Variants in USH2A observed in about 807,000 individuals in gnomAD.
USH2A encodes usherin, also known as Usher syndrome 2A (autosomal recessive, mild).
A neutral mutation model predicts 538.9 loss-of-function variants in USH2A; 443 were observed. That is an observed-to-expected ratio of 0.82 (90% CI 0.76 to 0.89). USH2A has a LOEUF of 0.89. USH2A is among the 40% of genes least tolerant of loss of function. The pLI, the probability that USH2A is intolerant of heterozygous loss-of-function variation, is 0.00. For synonymous variants in USH2A, 2,413 were observed against 2,273.5 expected (o/e 1.06, Z -1.75); for missense variants, 6,633 against 6,324.8 (o/e 1.05, Z -1.65).
At chr1:215,644,304 G>A (rs375622822) in intron 67 of USH2A, among the ~76,000 whole-genome samples, 2 of 152,164 alleles carry the variant, frequency 1.3e-5, no homozygotes, top group African/African-American at 4.8e-5. Context: ...CTGGTTATGA[G>A]AAATTCAGAG....
At chr1:216,345,978 T>C (rs1001086013) in intron 4 of USH2A, among the ~76,000 whole-genome samples, 2 of 152,132 alleles carry the variant, frequency 1.3e-5, no homozygotes, top group Non-Finnish European at 2.9e-5. Flanking sequence ...AGTAGCTCAG[T>C]AGCTGAGGCT....
chr1:215,853,473 T>C (rs6668136), intron 44 of USH2A, among the ~76,000 whole-genome samples: 6,704 of 152,278 alleles, frequency 0.044, 519 homozygotes, highest in African/African-American at 0.15. Flanking sequence ...GTCTTGGGGA[T>C]TAACATTTGG....
intron 21 of USH2A, among the ~76,000 whole-genome samples, chr1:216,138,503 C>A (rs2033531363): frequency 6.6e-6 from 1 of 152,122 alleles, no homozygotes; most frequent in African/African-American, 2.4e-5. Context: ...TCCCTGAGGC[C>A]ACAGGAGAAG....
At chr1:215,942,980 G>A (rs573914613) in intron 37 of USH2A, among the ~76,000 whole-genome samples, 1 of 152,294 alleles carries the variant, frequency 6.6e-6, no homozygotes, top group South Asian at 2.1e-4. Flanking sequence ...AGAGGAGACA[G>A]AAAATCTGGA....
At chr1:216,127,479 C>T (rs2033278420) in intron 21 of USH2A, among the ~76,000 whole-genome samples, 1 of 152,144 alleles carries the variant, frequency 6.6e-6, no homozygotes, top group Non-Finnish European at 1.5e-5. Flanking sequence ...TCTGTCATGG[C>T]CAGCTTTGGC....
At chr1:216,365,836 G>A (rs914156653) in intron 3 of USH2A, among the ~76,000 whole-genome samples, 2 of 152,090 alleles carry the variant, frequency 1.3e-5, no homozygotes, top group Admixed American at 6.6e-5. Context: ...GCATGGCTGT[G>A]TCCAAATAAA....
At position 215,845,048 on chromosome 1, in the gene USH2A, A is replaced by G. The variant is rs1011322625; in HGVS notation, c.9056-552T>C. ...TGATGAAATCTAACATAAGAAAAAAATCTTGCTTAGCGTTAAATTGCATAA... is the reference window on the plus strand; with the variant it reads ...TGATGAAATCTAACATAAGAAAAAAGTCTTGCTTAGCGTTAAATTGCATAA... On this transcript the variant is annotated intron_variant, in intron 45 of 71. Transcript: ENST00000307340. Among the ~76,000 whole-genome samples the G allele has an allele frequency of 1.4e-4, 21 of 152,348 alleles. 1 individual carries two copies. Among genetic ancestry groups the G allele is most frequent in the African/African-American group, 5.0e-4 (21 of 41,590 alleles).
chr1:215,673,870 A>G (rs1657902871), intron 63 of USH2A, among the ~76,000 whole-genome samples: 1 of 152,114 alleles, frequency 6.6e-6, no homozygotes, highest in African/African-American at 2.4e-5. Flanking sequence ...ACCTTTCTGA[A>G]ACACTGACTC....
intron 47 of USH2A, among the ~76,000 whole-genome samples, chr1:215,830,246 G>A (rs968843974): frequency 2.0e-5 from 3 of 152,146 alleles, no homozygotes; most frequent in Non-Finnish European, 1.5e-5. Flanking sequence ...GCAAGCCAGA[G>A]AGTATAGGGA....
chr1:216,039,677 G>T (rs1479247020), intron 32 of USH2A, among the ~76,000 whole-genome samples: 2 of 152,014 alleles, frequency 1.3e-5, no homozygotes, highest in African/African-American at 4.8e-5. Context: ...CCATTGGTGT[G>T]AATGAGTATA....
chr1:216,347,653 T>C (rs1184654075), intron 4 of USH2A, among the ~76,000 whole-genome samples: 1 of 152,164 alleles, frequency 6.6e-6, no homozygotes, highest in Non-Finnish European at 1.5e-5. Context: ...TATGACTTAG[T>C]GTACATTATC....
At chr1:215,842,516 C>A (rs1663710872) in intron 46 of USH2A, among the ~76,000 whole-genome samples, 1 of 152,096 alleles carries the variant, frequency 6.6e-6, no homozygotes, top group Non-Finnish European at 1.5e-5. Flanking sequence ...CATATATGTT[C>A]ATTGCAGCAC....
Position 215,680,241 on chromosome 1 carries a change from C to T in USH2A, c.12202G>A (p.Gly4068Arg), listed in dbSNP as rs1430838005. The part of the protein sequence containing the change: ...LIQTLESSPS[G>R]LRNFIVEQKE... The stretch of plus-strand genomic sequence containing the variant: ...TGTTCTACTATAAAGTTTCTCAGTC[C>T]ACTTGGGGAAGATTCTAAGGTTTGA... The change falls in exon 62 of 72, where the codon GGA becomes AGA. Residue 4068 changes from glycine (G) to arginine (R), a missense_variant. Gly to Arg is a moderately radical substitution (Grantham distance 125, BLOSUM62 -2). Transcript: ENST00000307340. 2 of 1,614,006 alleles carry T rather than the reference C, an allele frequency of 1.2e-6. No individual in the cohort carries two copies. The highest frequency in any genetic ancestry group is 1.7e-6 in the Non-Finnish European group (2 of 1,180,014).
chr1:215,627,445 C>T (rs373788625), intron 71 of USH2A, among the ~76,000 whole-genome samples: 4,141 of 77,576 alleles, frequency 0.053, 111 homozygotes, highest in East Asian at 0.1. Flanking sequence ...TCCTTCCTTC[C>T]TTCCTTCCTT....
At chr1:216,265,978 T>A (rs560892323) in intron 11 of USH2A, among the ~76,000 whole-genome samples, 1 of 152,176 alleles carries the variant, frequency 6.6e-6, no homozygotes, top group Non-Finnish European at 1.5e-5. Flanking sequence ...AATTCCTGTG[T>A]TTTATAGTAC....
rs559280496 is a variant in USH2A, at chr1:215,762,826, G to T, written c.11048-2983C>A. Reference sequence around the variant, plus strand: ...AGTAGGGAGGGAAGTAACCTAGGAGGATGGGGTGGGGTAAACTAGCTGCAA... The same window carrying T: ...AGTAGGGAGGGAAGTAACCTAGGAGTATGGGGTGGGGTAAACTAGCTGCAA... On this transcript the variant is annotated intron_variant, in intron 56 of 71. Transcript: ENST00000307340. 3.5e-4 allele frequency among the ~76,000 whole-genome samples: 54 copies of T among 152,254 alleles called. 1 individual carries two copies. The South Asian group carries it at 0.011, about 30-fold the overall frequency.
chr1:216,289,143 A>T (rs1040574807), intron 11 of USH2A, 137 bp downstream of exon 11: 2 of 1,313,732 alleles, frequency 1.5e-6, no homozygotes, highest in Non-Finnish European at 2.2e-6. Context: ...CACACGAACA[A>T]CCATCTCTTT....
chr1:216,000,078 G>C (rs1437856812), intron 33 of USH2A, among the ~76,000 whole-genome samples: 1 of 152,082 alleles, frequency 6.6e-6, no homozygotes, highest in Non-Finnish European at 1.5e-5. Context: ...TACTCAAAAA[G>C]ATATACATAC....
At chr1:216,124,152 A>G (rs1189032000) in intron 21 of USH2A, among the ~76,000 whole-genome samples, 1 of 152,306 alleles carries the variant, frequency 6.6e-6, no homozygotes, top group South Asian at 2.1e-4. Flanking sequence ...TATAAACACA[A>G]TGTTGCCCAG....
Sources: gnomAD v4.1 joint callset for allele counts (sites outside exome capture counted in the v4.1 genomes callset) on GRCh38, gnomAD v4.1.1 for gene constraint, MANE v1.5 for transcripts, NCBI Gene and HGNC (gene_info 2026-07-23, HGNC 2026-07-21) for gene names.